The following ADAMTS17 variants were observed in gnomAD, a reference collection of about 807,000 sequenced individuals.
ADAMTS17 encodes A disintegrin and metalloproteinase with thrombospondin motifs 17.
Under a neutral mutation model 141.5 loss-of-function variants are expected in ADAMTS17, and 113 were observed. The ratio of observed to expected loss-of-function variants is 0.80; its 90% CI spans 0.69 to 0.93. The LOEUF (loss-of-function observed/expected upper bound fraction) is 0.93. ADAMTS17 is among the 40% of genes least tolerant of loss of function. The pLI, the probability that ADAMTS17 is intolerant of heterozygous loss-of-function variation, is 0.00. For synonymous variants in ADAMTS17, 768 were observed against 630.6 expected (o/e 1.22, Z -3.27); for missense variants, 1,659 against 1,517.9 (o/e 1.09, Z -1.54).
chr15:100,108,914 T>G, intron 14 of ADAMTS17, 75 bp downstream of exon 14: 1 of 1,607,828 alleles, frequency 6.2e-7, no homozygotes, highest in Non-Finnish European at 8.5e-7. Context: ...ACCTCTGCTC[T>G]ACCCCACTCC....
rs573273012 is a variant in ADAMTS17, at chr15:100,161,045, G to A, written c.1182-5725C>T. 7.2e-5 allele frequency among the ~76,000 whole-genome samples: 11 copies of A among 152,346 alleles called. No individual in the cohort carries two copies. In the East Asian group the frequency reaches 2.1e-3, roughly 29 times the overall value. ...GTATGCCCAGTAATTTTAACTTTCAGTGACTGTGGGGCTGAGGGCACAGAT... is the reference window on the plus strand; with the variant it reads ...GTATGCCCAGTAATTTTAACTTTCAATGACTGTGGGGCTGAGGGCACAGAT... On this transcript the variant is annotated intron_variant, in intron 8 of 21. Coordinates refer to ENST00000268070, the MANE Select transcript of ADAMTS17 (RefSeq NM_139057.4).
At chr15:100,242,383 C>T (rs1362351089) in intron 7 of ADAMTS17, among the ~76,000 whole-genome samples, 1 of 152,192 alleles carries the variant, frequency 6.6e-6, no homozygotes, top group African/African-American at 2.4e-5. Context: ...GTCTCAGTGC[C>T]CACATGGTCC....
At chr15:100,086,510 T>C (rs897078555) in intron 15 of ADAMTS17, among the ~76,000 whole-genome samples, 7 of 152,070 alleles carry the variant, frequency 4.6e-5, no homozygotes, top group Admixed American at 1.3e-4. Flanking sequence ...TAGACATCTA[T>C]AGAACTCTCC....
At chr15:100,228,094 T>C (rs1567391857) in intron 7 of ADAMTS17, among the ~76,000 whole-genome samples, 1 of 152,188 alleles carries the variant, frequency 6.6e-6, no homozygotes. Context: ...GCCTCCTTCA[T>C]GTTCCTCAAA....
In ADAMTS17 at chr15:100,218,955, A is replaced by G. The variant is rs541306933; in HGVS notation, c.1076-19532T>C. Among the ~76,000 whole-genome samples, 12 of 152,332 alleles carry G rather than the reference A, an allele frequency of 7.9e-5. 1 individual carries two copies. In the South Asian group the frequency reaches 2.3e-3, roughly 29 times the overall value. On this transcript the variant is annotated intron_variant, in intron 7 of 21. Coordinates refer to ENST00000268070, the MANE Select transcript of ADAMTS17 (RefSeq NM_139057.4). ...TCTACACATGCATATGTACCTCTAA[A>G]CATGTATATGCAATGGAATATGATT... is the stretch of plus-strand genomic sequence containing the variant.
At chr15:99,977,526 G>A (rs1031337449) in intron 20 of ADAMTS17, among the ~76,000 whole-genome samples, 4 of 145,580 alleles carry the variant, frequency 2.7e-5, no homozygotes, top group African/African-American at 1.0e-4. Flanking sequence ...TGATTCCCCT[G>A]CCTCAGCCTT....
At chr15:100,240,514 C>T (rs2042798209) in intron 7 of ADAMTS17, among the ~76,000 whole-genome samples, 1 of 152,208 alleles carries the variant, frequency 6.6e-6, no homozygotes. Context: ...TCCCCCCTCA[C>T]TCCTCTACCA....
Position 100,109,116 on chromosome 15 carries a change from T to C in ADAMTS17, c.1889A>G (p.Asp630Gly), listed in dbSNP as rs139347926. The C allele has an allele frequency of 2.1e-5, 34 of 1,610,542 alleles. No homozygotes were observed. Among genetic ancestry groups the C allele is most frequent in the Non-Finnish European group, 2.6e-5 (31 of 1,178,476 alleles). ...CGAGCAGTAGAGTTCACATGGCTTA[T>C]CTGAGGAGGGAAAGGTTGGAGGACG... Reference protein sequence around the residue: ...KGLLTAVVVDDKPCELYCSPL... With the variant: ...KGLLTAVVVDGKPCELYCSPL... The change falls in exon 14 of 22, where the codon GAT (aspartate) becomes GGT (glycine). Residue 630 changes from aspartate (D) to glycine (G), a missense_variant and splice_region_variant. Physicochemically the swap from Asp to Gly is moderately conservative, Grantham distance 94 (BLOSUM62 -1). Coordinates refer to ENST00000268070, the MANE Select transcript of ADAMTS17 (RefSeq NM_139057.4).
At chr15:100,250,241 C>CA (rs1319268776) in intron 7 of ADAMTS17, among the ~76,000 whole-genome samples, 11 of 152,210 alleles carry the variant, frequency 7.2e-5, no homozygotes, top group African/African-American at 2.6e-4. Context: ...AAAACAACAA[C>CA]AAAAAAACGC....
At chr15:100,284,761 T>A (rs985666376) in intron 3 of ADAMTS17, among the ~76,000 whole-genome samples, 1 of 152,210 alleles carries the variant, frequency 6.6e-6, no homozygotes, top group Non-Finnish European at 1.5e-5. Context: ...AAAATATGCT[T>A]GATAATGCTG....
chr15:100,081,496 A>G (rs998052114), intron 15 of ADAMTS17, among the ~76,000 whole-genome samples: 4 of 152,204 alleles, frequency 2.6e-5, no homozygotes, highest in African/African-American at 9.7e-5. Flanking sequence ...TAAATGGGTG[A>G]ATTATATGGC....
chr15:100,281,997 G>C (rs1346854008), intron 3 of ADAMTS17, among the ~76,000 whole-genome samples: 1 of 152,110 alleles, frequency 6.6e-6, no homozygotes. Context: ...CCTCACAATA[G>C]GGAAGGATTA....
intron 18 of ADAMTS17, among the ~76,000 whole-genome samples, chr15:100,010,624 C>T (rs1183638444): frequency 6.6e-6 from 1 of 152,240 alleles, no homozygotes; most frequent in Non-Finnish European, 1.5e-5. Flanking sequence ...GACTGGGTCC[C>T]TCTCACAGCT....
intron 15 of ADAMTS17, among the ~76,000 whole-genome samples, chr15:100,077,889 T>C (rs185511666): frequency 2.6e-5 from 4 of 152,270 alleles, no homozygotes; most frequent in Admixed American, 2.6e-4. Flanking sequence ...AAAACCTATA[T>C]GACAGATTCA....
intron 20 of ADAMTS17, among the ~76,000 whole-genome samples, chr15:99,991,620 C>G (rs2060691335): frequency 6.6e-6 from 1 of 152,184 alleles, no homozygotes; most frequent in African/African-American, 2.4e-5. Flanking sequence ...GTGGCGATTC[C>G]TCAAGGATCT....
At chr15:100,331,856 G>A (rs941064266) in intron 2 of ADAMTS17, among the ~76,000 whole-genome samples, 8 of 152,058 alleles carry the variant, frequency 5.3e-5, no homozygotes, top group Non-Finnish European at 1.2e-4. Flanking sequence ...GCCCAAGAAT[G>A]TGCATTTCTA....
chr15:100,138,580 A>G (rs964231790), intron 10 of ADAMTS17, among the ~76,000 whole-genome samples: 7 of 152,250 alleles, frequency 4.6e-5, no homozygotes, highest in African/African-American at 1.7e-4. Flanking sequence ...ATTATCCAGA[A>G]TGCAGCCTGC....
chr15:100,116,927 C>G lies in ADAMTS17; in HGVS notation c.1808G>C (p.Ser603Thr). 3 of 1,614,174 alleles carry G rather than the reference C, an allele frequency of 1.9e-6. No individual in the cohort carries two copies. Among genetic ancestry groups the G allele is most frequent in the Non-Finnish European group, 8.5e-7 (1 of 1,180,052 alleles). The change falls in exon 13 of 22, where the codon AGC (serine) becomes ACC (threonine). Residue 603 changes from serine (S) to threonine (T), a missense_variant. Ser to Thr is a moderately conservative substitution (Grantham distance 58). Coordinates refer to ENST00000268070, the MANE Select transcript of ADAMTS17 (RefSeq NM_139057.4). ...TGCCTGGCACTGCTGGTCCCGGAAG[C>G]TGGGCAGACCCTTGGGGCAGGGCAG... is the stretch of plus-strand genomic sequence containing the variant. ...ENLPCPKGLP[S>T]FRDQQCQAHD...
At chr15:100,104,227 G>A (rs190358878) in intron 14 of ADAMTS17, among the ~76,000 whole-genome samples, 63 of 152,298 alleles carry the variant, frequency 4.1e-4, no homozygotes, top group African/African-American at 1.4e-3. Context: ...TTAACCCGGT[G>A]TCTCTCCTTC....
Sources: gnomAD v4.1 joint callset for allele counts (sites outside exome capture counted in the v4.1 genomes callset) on GRCh38, gnomAD v4.1.1 for gene constraint, MANE v1.5 for transcripts, NCBI Gene and HGNC (gene_info 2026-07-23, HGNC 2026-07-21) for gene names.